RPTOR: variants seen among roughly 807,000 people sequenced by gnomAD.
The protein encoded by RPTOR is regulatory associated protein of MTOR complex 1, also known as regulatory-associated protein of mTOR.
Under a neutral mutation model 169.9 loss-of-function variants are expected in RPTOR, and 21 were observed. That is an observed-to-expected ratio of 0.12 (90% confidence interval 0.09 to 0.18). RPTOR has a LOEUF of 0.18. Among genes scored for constraint, RPTOR ranks in the 10% least tolerant of loss-of-function variants. RPTOR has a pLI of 1.00. For synonymous variants in RPTOR, 732 were observed against 753.2 expected (o/e 0.97, Z 0.46); for missense variants, 1,133 against 1,855.9 (o/e 0.61, Z 7.16).
intron 23 of RPTOR, chr17:80,923,990 A>G (rs1279847851): frequency 5.1e-6 from 2 of 390,662 alleles, no homozygotes; most frequent in Non-Finnish European, 9.2e-6. Flanking sequence ...GGCAGCTTCC[A>G]TGTAACGAAA....
rs147000183 is a variant in RPTOR, at chr17:80,824,767, G to A, written c.1136+1544G>A. Among the ~76,000 whole-genome samples the A allele has an allele frequency of 1.8e-3, 270 of 152,338 alleles. 3 individuals carry two copies. In the Middle Eastern group the frequency reaches 0.027, roughly 15 times the overall value. ...CCATGGAAACCTTTTTCCTTCTAGC[G>A]TATGTTTTCTCCAGATGTAAAAGCA... On this transcript the variant is annotated intron_variant, in intron 9 of 33. Transcript: ENST00000306801.
chr17:80,556,286 A>G (rs143603153), intron 1 of RPTOR, among the ~76,000 whole-genome samples: 2 of 152,194 alleles, frequency 1.3e-5, no homozygotes, highest in Non-Finnish European at 2.9e-5. Flanking sequence ...CCCATCACCA[A>G]CTACATGCTG....
At chr17:80,875,778 T>C (rs1477643846) in intron 13 of RPTOR, among the ~76,000 whole-genome samples, 1 of 141,384 alleles carries the variant, frequency 7.1e-6, no homozygotes, top group Non-Finnish European at 1.5e-5. Context: ...ACCGAGCCTG[T>C]GCCACGCAGG....
intron 1 of RPTOR, among the ~76,000 whole-genome samples, chr17:80,556,253 C>G (rs1163547421): frequency 2.6e-5 from 4 of 152,124 alleles, no homozygotes; most frequent in African/African-American, 9.7e-5. Context: ...CAACAATTCC[C>G]TAGCTGGGCT....
At chr17:80,906,211 C>T (rs1402867184) in intron 20 of RPTOR, among the ~76,000 whole-genome samples, 1 of 150,994 alleles carries the variant, frequency 6.6e-6, no homozygotes, top group Non-Finnish European at 1.5e-5. Flanking sequence ...CCCACCCACT[C>T]TAAAAAAAAA....
intron 3 of RPTOR, among the ~76,000 whole-genome samples, chr17:80,698,293 C>A (rs2066054214): frequency 6.6e-6 from 1 of 152,158 alleles, no homozygotes; most frequent in African/African-American, 2.4e-5. Flanking sequence ...TGCAGAGGGG[C>A]TGCCGCCCCA....
rs772329065 is a variant in RPTOR, at chr17:80,730,707, G to T, written c.654+1G>T. On this transcript the variant is annotated splice_donor_variant, in intron 5 of 33. Coordinates refer to ENST00000306801, the MANE Select transcript of RPTOR (RefSeq NM_020761.3). LOFTEE classifies it high-confidence loss of function. This position sits in a 1 kb window ranked among gnomAD's most constrained non-coding sequence, Gnocchi z 4.2. ...ACTACAGCGGGAGCAGGAGCTGGAG[G>T]TGAGCGCTCTGGTGCTTGGAGAGCG... The T allele has an allele frequency of 6.2e-7, 1 of 1,608,470 alleles. No homozygotes were observed. The highest frequency in any genetic ancestry group is 8.5e-7 in the Non-Finnish European group (1 of 1,177,442).
In RPTOR at chr17:80,562,538, C is replaced by G. The variant is rs1244184316; in HGVS notation, c.162+16747C>G. ...GTGGCTCATGCGTGTAATCCCAGCA[C>G]TTTGGGAGGCTGAGGCGGACGGATC... On this transcript the variant is annotated intron_variant, in intron 1 of 33. Transcript: ENST00000306801. This position sits in a 1 kb window ranked among gnomAD's most constrained non-coding sequence, Gnocchi z 4.4. 6.6e-6 allele frequency among the ~76,000 whole-genome samples: 1 copy of G among 152,214 alleles called. No individual in the cohort carries two copies. Among genetic ancestry groups the G allele is most frequent in the African/African-American group, 2.4e-5 (1 of 41,446 alleles).
chr17:80,562,790 A>G lies in RPTOR; in HGVS notation c.162+16999A>G, dbSNP rs935567019. ...AGAGCAAGACTCTTGTCTCAAAACAAAAAACAAAAACAAAGTAGATCGGAC... is the reference window on the plus strand; with the variant it reads ...AGAGCAAGACTCTTGTCTCAAAACAGAAAACAAAAACAAAGTAGATCGGAC... On this transcript the variant is annotated intron_variant, in intron 1 of 33. Transcript: ENST00000306801. The surrounding 1 kb of genome is among the most constrained non-coding windows in gnomAD (Gnocchi z 4.4). Among the ~76,000 whole-genome samples, 6 of 152,256 alleles carry G rather than the reference A, an allele frequency of 3.9e-5. No homozygotes were observed. The highest frequency in any genetic ancestry group is 1.4e-4 in the African/African-American group (6 of 41,474).
chr17:80,705,994 G>A (rs1381347903), intron 3 of RPTOR, among the ~76,000 whole-genome samples: 3 of 152,168 alleles, frequency 2.0e-5, no homozygotes, highest in African/African-American at 4.8e-5. Context: ...TCCCCTGCAC[G>A]TTCCAAACAC....
At chr17:80,926,653 G>T (rs931328920) in intron 24 of RPTOR, among the ~76,000 whole-genome samples, 1 of 152,182 alleles carries the variant, frequency 6.6e-6, no homozygotes, top group Non-Finnish European at 1.5e-5. Flanking sequence ...CTAAGGAAGC[G>T]CTCATGACAA....
intron 1 of RPTOR, among the ~76,000 whole-genome samples, chr17:80,617,438 TA>T (rs2065320331): frequency 6.6e-6 from 1 of 152,330 alleles, no homozygotes; most frequent in East Asian, 1.9e-4. Context: ...GTAAAGGACA[TA>T]TACTATTTTA....
At chr17:80,848,988 C>T (rs901347373) in intron 11 of RPTOR, among the ~76,000 whole-genome samples, 3 of 152,306 alleles carry the variant, frequency 2.0e-5, no homozygotes, top group African/African-American at 7.2e-5. Flanking sequence ...CCTCCTCCCT[C>T]TGGAGGGTCT....
At chr17:80,814,163 A>C (rs575850358) in intron 7 of RPTOR, among the ~76,000 whole-genome samples, 1 of 152,250 alleles carries the variant, frequency 6.6e-6, no homozygotes. Flanking sequence ...TTCATAAGAC[A>C]GTTTTGAAAT....
chr17:80,770,656 G>C (rs2143411442), intron 6 of RPTOR, among the ~76,000 whole-genome samples: 1 of 152,288 alleles, frequency 6.6e-6, no homozygotes, highest in African/African-American at 2.4e-5. Context: ...AAGAAGCCAT[G>C]CTGTTTGCAT....
chr17:80,634,650 A>C (rs62648833), intron 2 of RPTOR, among the ~76,000 whole-genome samples: 5 of 16,790 alleles, frequency 3.0e-4, no homozygotes, highest in Admixed American at 1.3e-3. Flanking sequence ...TGCATACTGT[A>C]TGTGCGTACT....
intron 7 of RPTOR, among the ~76,000 whole-genome samples, chr17:80,811,214 T>C (rs1201496454): frequency 6.6e-5 from 10 of 152,230 alleles, no homozygotes; most frequent in Admixed American, 6.5e-4. Flanking sequence ...TAATATGTGC[T>C]GTGAATTTTT....
chr17:80,904,414 A>G (rs1198876035), intron 20 of RPTOR, among the ~76,000 whole-genome samples: 1 of 152,136 alleles, frequency 6.6e-6, no homozygotes, highest in Admixed American at 6.5e-5. Flanking sequence ...TCTTCTCTGA[A>G]CTGCTCCGAC....
chr17:80,598,559 G>A (rs1037667270), intron 1 of RPTOR, among the ~76,000 whole-genome samples: 6 of 152,206 alleles, frequency 3.9e-5, no homozygotes, highest in South Asian at 2.1e-4. Flanking sequence ...AGGAACGTTC[G>A]CATTTGCAGA....
Sources: allele counts gnomAD v4.1 joint callset (sites outside exome capture counted in the v4.1 genomes callset), GRCh38; gene constraint gnomAD v4.1.1; non-coding constraint Gnocchi (gnomAD v3.1); transcripts MANE v1.5; gene names NCBI Gene and HGNC (gene_info 2026-07-23, HGNC 2026-07-21).